The following ABRAXAS1 variants were observed in gnomAD, a reference collection of about 807,000 sequenced individuals.
ABRAXAS1 encodes abraxas 1, BRCA1 A complex subunit.
In ABRAXAS1, 26 loss-of-function variants were observed where a neutral mutation model predicts 38.4. The ratio of observed to expected loss-of-function variants is 0.68; its 90% CI spans 0.50 to 0.94. The LOEUF (loss-of-function observed/expected upper bound fraction) is 0.94. Ranked by LOEUF, ABRAXAS1 falls within the 40% of genes least tolerant of loss-of-function variation. ABRAXAS1 has a pLI of 0.00. For missense variants in ABRAXAS1, 438 were observed against 481.9 expected, an observed-to-expected ratio of 0.91 and a Z score of 0.85; for synonymous variants, 144 against 165.5, an observed-to-expected ratio of 0.87 and a Z score of 1.00.
intron 3 of ABRAXAS1, among the ~76,000 whole-genome samples, chr4:83,473,035 T>C (rs78477045): frequency 0.1 from 15,435 of 152,176 alleles, 908 homozygotes; most frequent in African/African-American, 0.15. Context: ...TCCCAGCATT[T>C]TGGGAGGCTG....
At chr4:83,473,425 T>G (rs1722653634) in intron 3 of ABRAXAS1, among the ~76,000 whole-genome samples, 1 of 152,112 alleles carries the variant, frequency 6.6e-6, no homozygotes, top group South Asian at 2.1e-4. Context: ...TATATTAGGG[T>G]AAGATTAGTA....
At chr4:83,471,438 G>T (rs1722589074) in intron 4 of ABRAXAS1, among the ~76,000 whole-genome samples, 1 of 151,428 alleles carries the variant, frequency 6.6e-6, no homozygotes, top group Non-Finnish European at 1.5e-5. Flanking sequence ...TCGAACTCCT[G>T]ACCTCGTGAT....
At chr4:83,480,166 C>T (rs1009290404) in intron 2 of ABRAXAS1, 29 of 225,954 alleles carry the variant, frequency 1.3e-4, no homozygotes, top group South Asian at 4.5e-4. Flanking sequence ...GTCAGGAGTT[C>T]GAGACCAGCC....
At chr4:83,476,316 T>A (rs191872461) in intron 3 of ABRAXAS1, among the ~76,000 whole-genome samples, 23 of 152,316 alleles carry the variant, frequency 1.5e-4, no homozygotes, top group Admixed American at 1.5e-3. Flanking sequence ...GGGCTGCTAT[T>A]GATGATGTAT....
At chr4:83,484,625 G>A (rs1007982216) in intron 1 of ABRAXAS1, among the ~76,000 whole-genome samples, 5 of 152,358 alleles carry the variant, frequency 3.3e-5, no homozygotes, top group African/African-American at 1.2e-4. Flanking sequence ...CGCGAGAAAC[G>A]GAAAGTTTAC....
chr4:83,468,576 T>G (rs535427129), intron 6 of ABRAXAS1, among the ~76,000 whole-genome samples: 2 of 152,336 alleles, frequency 1.3e-5, no homozygotes, highest in African/African-American at 2.4e-5. Flanking sequence ...TACAAATATC[T>G]AATTTCACGC....
intron 5 of ABRAXAS1, chr4:83,469,929 TA>T (rs1008134896): frequency 5.9e-4 from 150 of 255,916 alleles, no homozygotes; most frequent in East Asian, 1.1e-3. Flanking sequence ...ATCAATCAAT[TA>T]AAAAAAAAGT....
At chr4:83,479,848 CAATACAGGAGGCT>C (rs1722920941) in intron 2 of ABRAXAS1, 1 of 152,068 alleles carries the variant, frequency 6.6e-6, no homozygotes, top group Non-Finnish European at 1.5e-5. Flanking sequence ...ATGGTCCCAG[CAATACAGGAGGCT>C]GAGGCAGGAG....
intron 7 of ABRAXAS1, among the ~76,000 whole-genome samples, chr4:83,464,479 C>T (rs1553936201): frequency 6.6e-6 from 1 of 151,946 alleles, no homozygotes; most frequent in Non-Finnish European, 1.5e-5. Flanking sequence ...CTTAGTATAA[C>T]ATAAAACAAC....
Position 83,462,612 on chromosome 4 carries a change from A to G in ABRAXAS1, c.1087T>C (p.Leu363=). The change falls in exon 9 of 9, where the codon TTA becomes CTA. Residue 363 remains leucine, a synonymous_variant. Coordinates refer to ENST00000321945, the MANE Select transcript of ABRAXAS1 (RefSeq NM_139076.3). ...DRWQFKRSRL[L]DTQDKRSKAD... ...TTAGATCGTTTGTCTTGTGTATCTA[A>G]CAACCGAGATCTCTTGAATTGCCAT... 1 of 1,614,104 alleles carries G rather than the reference A, an allele frequency of 6.2e-7. No homozygotes were observed. Among genetic ancestry groups the G allele is most frequent in the African/African-American group, 1.3e-5 (1 of 75,028 alleles).
At chr4:83,479,642 C>G (rs547772230) in intron 2 of ABRAXAS1, 29 of 152,070 alleles carry the variant, frequency 1.9e-4, no homozygotes, top group African/African-American at 7.0e-4. Flanking sequence ...AATTATGGTA[C>G]GTCTATACAA....
chr4:83,462,372 G>T lies in ABRAXAS1; in HGVS notation c.*97C>A. The T allele has an allele frequency of 1.9e-6, 2 of 1,064,386 alleles. No homozygotes were observed. Among genetic ancestry groups the T allele is most frequent in the Middle Eastern group, 2.7e-4 (1 of 3,654 alleles). The allele number at this position is 1,064,386 out of a possible 1,614,324, so 65.9% of individuals were successfully genotyped here. A position where few individuals can be genotyped will look rare whatever the true frequency, so the allele number is the denominator to read the frequency against. ...ACAGGTGAACATAGTAAAAACAAAT[G>T]AACTTACTGCAAGTAGCTCAACATA... On this transcript the variant is annotated 3_prime_UTR_variant, in exon 9 of 9. Coordinates refer to ENST00000321945, the MANE Select transcript of ABRAXAS1 (RefSeq NM_139076.3).
rs1722484545 is a variant in ABRAXAS1 at position 83,469,033 on chromosome 4, T to G, written c.595A>C (p.Ser199Arg). The G allele has an allele frequency of 1.2e-6, 2 of 1,611,036 alleles. No homozygotes were observed. The highest frequency in any genetic ancestry group is 1.7e-6 in the Non-Finnish European group (2 of 1,179,390). ...TGTGAGAAAGCAGTTGAATCTTACC[T>G]GTGTGTTTGTACTGCTCGGCTAAAA... Reference protein sequence around the residue: ...TGFSRAVQTHSSKFFEEDGSL... With the variant: ...TGFSRAVQTHRSKFFEEDGSL... The change falls in exon 6 of 9, where the codon AGC becomes CGC. Residue 199 changes from serine to arginine, a missense_variant and splice_region_variant. This residue lies in a region of ABRAXAS1 where 194 missense variants were observed against 269.0 expected (regional missense o/e 0.72). Coordinates refer to ENST00000321945, the MANE Select transcript of ABRAXAS1 (RefSeq NM_139076.3).
intron 1 of ABRAXAS1, among the ~76,000 whole-genome samples, chr4:83,482,497 C>T (rs535267591): frequency 1.3e-5 from 2 of 152,100 alleles, no homozygotes; most frequent in Admixed American, 1.3e-4. Flanking sequence ...TAGTTTGAAC[C>T]CAGGAGTTAA....
At chr4:83,472,094 C>T (rs1441583393) in intron 4 of ABRAXAS1, 128 bp downstream of exon 4, 2 of 481,094 alleles carry the variant, frequency 4.2e-6, no homozygotes, top group African/African-American at 2.1e-5. Context: ...CAAACCTTTT[C>T]TTACTTACTT....
chr4:83,484,384 T>C (rs1342787900), intron 1 of ABRAXAS1, among the ~76,000 whole-genome samples: 3 of 152,252 alleles, frequency 2.0e-5, no homozygotes, highest in Non-Finnish European at 2.9e-5. Flanking sequence ...TTTAATTTCA[T>C]AGAACTTTTA....
intron 4 of ABRAXAS1, 124 bp from the exon 5 acceptor site, chr4:83,470,520 A>T (rs1722541238): frequency 3.2e-6 from 2 of 634,792 alleles, no homozygotes; most frequent in South Asian, 6.1e-5. Flanking sequence ...TTTGGGGCAT[A>T]TATAAACAAA....
At position 83,482,460 on chromosome 4, in the gene ABRAXAS1, T is replaced by C. The variant is rs1044928694; in HGVS notation, c.88-216A>G. ...GCAAGATGGCTCACGCCTGTAATCC[T>C]AGCACTGGGAGGCCAAGGTGGGCAG... On this transcript the variant is annotated intron_variant, in intron 1 of 8. Transcript: ENST00000321945. 5.9e-5 allele frequency among the ~76,000 whole-genome samples: 9 copies of C among 152,170 alleles called. No homozygotes were observed. In the East Asian group the frequency reaches 1.5e-3, roughly 26 times the overall value.
chr4:83,467,603 T>G (rs972455031), intron 6 of ABRAXAS1, 65 bp from the exon 7 acceptor site: 2 of 820,982 alleles, frequency 2.4e-6, no homozygotes, highest in African/African-American at 1.9e-5. Context: ...GGTGAAAAAC[T>G]TATTCATTGT....
Sources: allele counts gnomAD v4.1 joint callset (sites outside exome capture counted in the v4.1 genomes callset), GRCh38; gene constraint gnomAD v4.1.1; regional missense constraint gnomAD v4.1.1; transcripts MANE v1.5; gene names NCBI Gene and HGNC (gene_info 2026-07-23, HGNC 2026-07-21).